The following ZNF516 variants were observed in gnomAD, a reference collection of about 807,000 sequenced individuals.
The protein encoded by ZNF516 is zinc finger protein 516.
ZNF516 carries 19 observed loss-of-function variants against 79.7 expected under a neutral mutation model. The ratio of observed to expected loss-of-function variants is 0.24; its 90% CI spans 0.17 to 0.35. ZNF516 has a LOEUF of 0.35. Ranked by LOEUF, ZNF516 falls within the 10% of genes least tolerant of loss-of-function variation. The probability of loss-of-function intolerance (pLI) is 1.00; values close to 1 mark genes in which losing one functional copy is unlikely to be tolerated. For missense variants in ZNF516, 1,678 were observed against 1,679.5 expected (o/e 1.00, Z 0.02); for synonymous variants, 877 against 739.5 (o/e 1.19, Z -3.02).
At chr18:76,447,951 T>G (rs1261783885) in intron 2 of ZNF516, among the ~76,000 whole-genome samples, 1 of 152,210 alleles carries the variant, frequency 6.6e-6, no homozygotes, top group African/African-American at 2.4e-5. Context: ...TCAAGGCCAC[T>G]TTTTTTAAAT....
At chr18:76,421,700 T>A (rs2075510358) in intron 3 of ZNF516, among the ~76,000 whole-genome samples, 1 of 152,246 alleles carries the variant, frequency 6.6e-6, no homozygotes, top group African/African-American at 2.4e-5. Flanking sequence ...CATGTTTCAC[T>A]ATTACAGAGG....
intron 6 of ZNF516, among the ~76,000 whole-genome samples, chr18:76,363,741 TTCA>T (rs2074574547): frequency 6.6e-6 from 1 of 152,190 alleles, no homozygotes; most frequent in African/African-American, 2.4e-5. Flanking sequence ...ATGGGAAATA[TTCA>T]TCATCAACAG....
chr18:76,494,952 C>G, intron 1 of ZNF516, among the ~76,000 whole-genome samples, 192 bp downstream of exon 1: 1 of 150,644 alleles, frequency 6.6e-6, no homozygotes. Context: ...GAGCAACTAC[C>G]CACCGGGAAA....
At chr18:76,411,808 G>A (rs2075374975) in intron 3 of ZNF516, among the ~76,000 whole-genome samples, 1 of 152,182 alleles carries the variant, frequency 6.6e-6, no homozygotes, top group Non-Finnish European at 1.5e-5. Flanking sequence ...TCTGCACTCA[G>A]GCAGTGGGGA....
intron 1 of ZNF516, among the ~76,000 whole-genome samples, chr18:76,469,296 T>C (rs942192253): frequency 6.6e-6 from 1 of 152,242 alleles, no homozygotes; most frequent in Non-Finnish European, 1.5e-5. Context: ...TGCAGTCCTA[T>C]TTTTTATATT....
chr18:76,490,883 C>G, intron 1 of ZNF516: 1 of 985,498 alleles, frequency 1.0e-6, no homozygotes, highest in Non-Finnish European at 1.2e-6. Flanking sequence ...ACGGGCACAT[C>G]TGGGCTTTTC....
chr18:76,441,882 C>A lies in ZNF516; in HGVS notation c.1173G>T (p.Pro391=), dbSNP rs770712340. Residue 391 remains proline (P), a synonymous_variant, in exon 3 of 7, where the codon CCG becomes CCT. Transcript: ENST00000443185. ...QFFLQCLNLR[P]SAAGDSCPGT... ...CAGGGCACGAGTCGCCGGCCGCCGACGGCCTCAGGTTCAGGCACTGGAGGA... is the reference window on the plus strand; with the variant it reads ...CAGGGCACGAGTCGCCGGCCGCCGAAGGCCTCAGGTTCAGGCACTGGAGGA... 1 of 1,591,546 alleles carries A rather than the reference C, an allele frequency of 6.3e-7. No homozygotes were observed. The highest frequency in any genetic ancestry group is 8.5e-7 in the Non-Finnish European group (1 of 1,174,242).
In ZNF516 at chr18:76,379,433, T is replaced by G; in HGVS notation, c.2681A>C (p.Gln894Pro). Residue 894 changes from glutamine (Q) to proline (P), a missense_variant, in exon 4 of 7, where the codon CAG becomes CCG. Coordinates refer to ENST00000443185, the MANE Select transcript of ZNF516 (RefSeq NM_014643.4). The part of the protein sequence containing the change: ...GYRQTKPCHG[Q>P]EPHGAATQGP... The stretch of plus-strand genomic sequence containing the variant: ...CTGTGTGGCCGCGCCATGTGGCTCC[T>G]GGCCGTGACAAGGTTTGGTCTGTCG... 6.2e-7 allele frequency: 1 copy of G among 1,612,296 alleles called. No individual in the cohort carries two copies. The highest frequency in any genetic ancestry group is 8.5e-7 in the Non-Finnish European group (1 of 1,179,258).
Position 76,362,463 on chromosome 18 carries a change from G to A in ZNF516, c.*35C>T, listed in dbSNP as rs753416666. ...CATCGTGAGGGTACTGCTAATGGCC[G>A]TTACGGGGACCTGGGGTGCGTCGGA... On this transcript the variant is annotated 3_prime_UTR_variant, in exon 7 of 7. Transcript: ENST00000443185. 8.7e-6 allele frequency: 14 copies of A among 1,607,512 alleles called. No individual in the cohort carries two copies. The highest frequency in any genetic ancestry group is 2.2e-5 in the East Asian group (1 of 44,728).
rs7233137 is a variant in ZNF516, at chr18:76,392,562, G to A, written c.1811-12259C>T. 8.3e-3 allele frequency among the ~76,000 whole-genome samples: 1,225 copies of A among 147,022 alleles called. 10 individuals are homozygous for A. The highest frequency in any genetic ancestry group is 0.031 in the African/African-American group (1,150 of 37,286). ...GGATGGGAAGGCAGGTGGCCACGTGGGGGAAAGGTGGATGGGAAGGCAGGT... is the reference window on the plus strand; with the variant it reads ...GGATGGGAAGGCAGGTGGCCACGTGAGGGAAAGGTGGATGGGAAGGCAGGT... On this transcript the variant is annotated intron_variant, in intron 3 of 6. Transcript: ENST00000443185.
intron 1 of ZNF516, among the ~76,000 whole-genome samples, chr18:76,480,524 C>CACACACAT (rs1267997459): frequency 2.1e-4 from 24 of 116,462 alleles, no homozygotes; most frequent in African/African-American, 6.3e-4. Flanking sequence ...CACACACACA[C>CACACACAT]ATATATTTTT....
chr18:76,476,743 T>A (rs1007034953), intron 1 of ZNF516, among the ~76,000 whole-genome samples: 4 of 152,208 alleles, frequency 2.6e-5, no homozygotes, highest in African/African-American at 9.7e-5. Flanking sequence ...CAGAACACCT[T>A]CATTTATTGT....
At chr18:76,364,082 A>C (rs1469962213) in intron 6 of ZNF516, among the ~76,000 whole-genome samples, 2 of 152,216 alleles carry the variant, frequency 1.3e-5, no homozygotes, top group African/African-American at 4.8e-5. Flanking sequence ...CCGTCCATGA[A>C]GGGCTAACGT....
At chr18:76,423,598 TTCA>T (rs1568278840) in intron 3 of ZNF516, among the ~76,000 whole-genome samples, 2,839 of 35,984 alleles carry the variant, frequency 0.079, 64 homozygotes, top group South Asian at 0.1. Context: ...GTAAAAAGGC[TTCA>T]CCCCTGAAAC....
At chr18:76,399,073 T>C (rs2075183581) in intron 3 of ZNF516, among the ~76,000 whole-genome samples, 1 of 152,136 alleles carries the variant, frequency 6.6e-6, no homozygotes, top group Admixed American at 6.5e-5. Flanking sequence ...GCCCGCGCAA[T>C]GCATGGAAGC....
chr18:76,489,692 G>C (rs1162835372), intron 1 of ZNF516, among the ~76,000 whole-genome samples: 1 of 152,054 alleles, frequency 6.6e-6, no homozygotes, highest in Admixed American at 6.6e-5. Flanking sequence ...GATAACAATG[G>C]GAAAACATTG....
intron 2 of ZNF516, among the ~76,000 whole-genome samples, chr18:76,460,186 C>T (rs1053252529): frequency 2.6e-5 from 4 of 152,336 alleles, no homozygotes; most frequent in African/African-American, 9.6e-5. Context: ...CATAAATCCT[C>T]ATCCTGGCAC....
At chr18:76,488,347 T>A in intron 1 of ZNF516, 1 of 722,528 alleles carries the variant, frequency 1.4e-6, no homozygotes, top group Non-Finnish European at 1.7e-6. Context: ...AGGAAAGGCC[T>A]TTTTGCGGGA....
intron 2 of ZNF516, among the ~76,000 whole-genome samples, chr18:76,450,893 T>C (rs1395034706): frequency 6.6e-6 from 1 of 152,180 alleles, no homozygotes; most frequent in African/African-American, 2.4e-5. Context: ...GCTGAATGGT[T>C]GTGTACTGAT....
Sources: gnomAD v4.1 joint callset for allele counts (sites outside exome capture counted in the v4.1 genomes callset) on GRCh38, gnomAD v4.1.1 for gene constraint, MANE v1.5 for transcripts, NCBI Gene and HGNC (gene_info 2026-07-23, HGNC 2026-07-21) for gene names.